PKIB: variants seen among roughly 807,000 people sequenced by gnomAD.
PKIB encodes cAMP-dependent protein kinase inhibitor beta.
Under a neutral mutation model 4.5 loss-of-function variants are expected in PKIB, and 2 were observed. The ratio of observed to expected loss-of-function variants is 0.44; its 90% CI spans 0.18 to 1.39. PKIB has a LOEUF of 1.39. Among genes scored for constraint, PKIB ranks in the 40% most tolerant of loss-of-function variants. The pLI, the probability that PKIB is intolerant of heterozygous loss-of-function variation, is 0.27. For missense variants in PKIB, 94 were observed against 92.6 expected, an observed-to-expected ratio of 1.02 and a Z score of -0.06; for synonymous variants, 38 against 36.0, an observed-to-expected ratio of 1.06 and a Z score of -0.20.
intron 2 of PKIB, among the ~76,000 whole-genome samples, chr6:122,509,558 G>A (rs1276119121): frequency 1.3e-5 from 2 of 151,756 alleles, no homozygotes; most frequent in Admixed American, 6.6e-5. Flanking sequence ...AGCCTCCCGA[G>A]TAGCTGGGAC....
chr6:122,716,816 T>C (rs909913596), intron 3 of PKIB, among the ~76,000 whole-genome samples: 3 of 152,160 alleles, frequency 2.0e-5, no homozygotes, highest in African/African-American at 7.2e-5. Flanking sequence ...CTTCGGTCAA[T>C]ACTTAGTGCA....
At chr6:122,550,195 G>A (rs561677346) in intron 2 of PKIB, among the ~76,000 whole-genome samples, 5 of 152,020 alleles carry the variant, frequency 3.3e-5, no homozygotes, top group African/African-American at 9.7e-5. Flanking sequence ...GATTACAGAC[G>A]TGAGCCACTG....
chr6:122,533,730 G>A (rs180769693), intron 2 of PKIB, among the ~76,000 whole-genome samples: 16 of 152,246 alleles, frequency 1.1e-4, no homozygotes, highest in East Asian at 3.9e-4. Context: ...AAGCTAACTC[G>A]TGAGAACATT....
chr6:122,672,530 T>C (rs1777507834), intron 2 of PKIB, among the ~76,000 whole-genome samples: 2 of 152,164 alleles, frequency 1.3e-5, no homozygotes, highest in African/African-American at 4.8e-5. Flanking sequence ...ATGTCTTAGC[T>C]TCCATGTATA....
intron 2 of PKIB, among the ~76,000 whole-genome samples, chr6:122,671,129 T>C (rs1336523657): frequency 6.6e-6 from 1 of 151,926 alleles, no homozygotes; most frequent in African/African-American, 2.4e-5. Flanking sequence ...CTGTCTCTAC[T>C]AAAAATACAA....
chr6:122,694,946 A>G (rs1778511116), intron 3 of PKIB, among the ~76,000 whole-genome samples: 1 of 152,218 alleles, frequency 6.6e-6, no homozygotes, highest in South Asian at 2.1e-4. Flanking sequence ...AATAGAGTGT[A>G]GTCAGCTGTC....
intron 2 of PKIB, among the ~76,000 whole-genome samples, chr6:122,531,884 T>A (rs1296195241): frequency 6.6e-6 from 1 of 152,240 alleles, no homozygotes; most frequent in East Asian, 1.9e-4. Context: ...GTTGAATGAA[T>A]GTAGGCAAAA....
chr6:122,557,317 C>T (rs1258813388), intron 2 of PKIB, among the ~76,000 whole-genome samples: 1 of 152,204 alleles, frequency 6.6e-6, no homozygotes, highest in East Asian at 1.9e-4. Flanking sequence ...TTGCTTCTTT[C>T]AACTCAACCG....
At chr6:122,631,253 A>G (rs1775686727) in intron 1 of PKIB, among the ~76,000 whole-genome samples, 2 of 152,178 alleles carry the variant, frequency 1.3e-5, no homozygotes, top group South Asian at 4.1e-4. Context: ...TGTGCCACAT[A>G]TGGCAGTCGA....
intron 2 of PKIB, among the ~76,000 whole-genome samples, chr6:122,669,724 A>G (rs951450962): frequency 1.3e-5 from 2 of 151,714 alleles, no homozygotes; most frequent in African/African-American, 2.4e-5. Context: ...CTCACCTGTT[A>G]TTTTGTTGGT....
At chr6:122,471,955 C>G in exon 1 of PKIB, 1 of 1,109,466 alleles carries the variant, frequency 9.0e-7, no homozygotes, top group Non-Finnish European at 1.2e-6. Context: ...CGGCTGTCTT[C>G]TTTCCTGGAG....
intron 2 of PKIB, among the ~76,000 whole-genome samples, chr6:122,516,281 T>C (rs2114590649): frequency 6.6e-6 from 1 of 152,274 alleles, no homozygotes. Flanking sequence ...AATTCACTCA[T>C]CCTCACCTTC....
intron 3 of PKIB, among the ~76,000 whole-genome samples, chr6:122,599,801 A>G (rs973079389): frequency 6.6e-6 from 1 of 152,072 alleles, no homozygotes; most frequent in African/African-American, 2.4e-5. Context: ...TCTCTATACT[A>G]TTAGTAGTAG....
intron 1 of PKIB, among the ~76,000 whole-genome samples, chr6:122,613,766 C>G (rs910361609): frequency 3.3e-5 from 5 of 151,750 alleles, no homozygotes; most frequent in African/African-American, 1.2e-4. Flanking sequence ...GAGGTAGAGA[C>G]CATCCTAGCC....
chr6:122,659,366 A>C (rs7752438), intron 2 of PKIB, among the ~76,000 whole-genome samples: 1 of 152,046 alleles, frequency 6.6e-6, no homozygotes. Context: ...TGTTTCCCTC[A>C]GAGATTATGC....
intron 2 of PKIB, among the ~76,000 whole-genome samples, chr6:122,487,442 C>T (rs908850123): frequency 5.9e-5 from 9 of 152,162 alleles, no homozygotes; most frequent in Admixed American, 5.9e-4. Context: ...AACCTAATCA[C>T]CAGTGTGATG....
At position 122,708,499 on chromosome 6, in the gene PKIB, T is replaced by C. The variant is rs80129034; in HGVS notation, c.-8-9288T>C. ...ATGGGCAGTGTAGGGGAGATATGGT[T>C]TTCTGTGACTGGTGACTTGTATGGT... is the stretch of plus-strand genomic sequence containing the variant. On this transcript the variant is annotated intron_variant, in intron 3 of 4. Coordinates refer to ENST00000368452, the MANE Select transcript of PKIB (RefSeq NM_181795.3). 5.3e-3 allele frequency among the ~76,000 whole-genome samples: 800 copies of C among 152,242 alleles called. 25 individuals carry two copies. The East Asian group carries it at 0.097, about 19-fold the overall frequency.
intron 3 of PKIB, among the ~76,000 whole-genome samples, chr6:122,693,680 T>G (rs1778440620): frequency 6.6e-6 from 1 of 152,224 alleles, no homozygotes; most frequent in Non-Finnish European, 1.5e-5. Context: ...CAGTGTCAGA[T>G]CAATGTTAAG....
intron 2 of PKIB, among the ~76,000 whole-genome samples, chr6:122,498,281 C>T (rs561035854): frequency 2.3e-4 from 35 of 152,274 alleles, no homozygotes; most frequent in East Asian, 1.2e-3. Flanking sequence ...AGAGAGCTTG[C>T]GCAGGGAAAG....
Sources: gnomAD v4.1 joint callset for allele counts (sites outside exome capture counted in the v4.1 genomes callset) on GRCh38, gnomAD v4.1.1 for gene constraint, MANE v1.5 for transcripts, NCBI Gene and HGNC (gene_info 2026-07-23, HGNC 2026-07-21) for gene names.